DCC: variants seen among roughly 807,000 people sequenced by gnomAD.
The protein encoded by DCC is DCC netrin 1 receptor, also known as netrin receptor DCC.
DCC carries 58 observed loss-of-function variants against 172.5 expected under a neutral mutation model. The observed-to-expected ratio is 0.34, with a 90% CI of 0.27 to 0.42. DCC has a LOEUF of 0.42. DCC is among the 10% of genes least tolerant of loss of function. DCC has a pLI of 1.00. For synonymous variants in DCC, 709 were observed against 644.5 expected (o/e 1.10, Z -1.52); for missense variants, 1,740 against 1,791.0 (o/e 0.97, Z 0.51).
intron 2 of DCC, among the ~76,000 whole-genome samples, chr18:52,817,579 C>T (rs2145263332): frequency 6.6e-6 from 1 of 151,780 alleles, no homozygotes; most frequent in South Asian, 2.1e-4. Context: ...TCTTTTAAGT[C>T]AGTCTCTCTT....
chr18:53,181,595 A>G (rs2055197996), intron 9 of DCC, among the ~76,000 whole-genome samples: 2 of 152,106 alleles, frequency 1.3e-5, no homozygotes, highest in African/African-American at 4.8e-5. Flanking sequence ...ATTTTTTTGT[A>G]TCACACATAT....
At chr18:52,760,981 T>TA (rs1448049169) in intron 2 of DCC, among the ~76,000 whole-genome samples, 3 of 151,936 alleles carry the variant, frequency 2.0e-5, no homozygotes, top group Non-Finnish European at 4.4e-5. Context: ...TAACAGTCTT[T>TA]ATATTTATAA....
intron 1 of DCC, among the ~76,000 whole-genome samples, chr18:52,663,212 A>G (rs998001512): frequency 6.6e-6 from 1 of 152,220 alleles, no homozygotes; most frequent in Non-Finnish European, 1.5e-5. Flanking sequence ...TAAGTTTTCA[A>G]TAATTTTGCA....
intron 7 of DCC, among the ~76,000 whole-genome samples, chr18:53,119,217 T>C (rs1346546662): frequency 6.6e-6 from 1 of 151,846 alleles, no homozygotes; most frequent in Admixed American, 6.6e-5. Flanking sequence ...TTCGTTTCAT[T>C]GGCGTACATT....
At chr18:53,393,676 T>G (rs1029092491) in intron 17 of DCC, among the ~76,000 whole-genome samples, 1 of 152,228 alleles carries the variant, frequency 6.6e-6, no homozygotes, top group African/African-American at 2.4e-5. Flanking sequence ...TTTGCCAGAA[T>G]GTGAAATGTT....
Position 53,086,086 on chromosome 18 carries a change from TCCTCCTCCTCCTCCTCCTCCTCCTC to T in DCC, c.1261+19922_1261+19946del, listed in dbSNP as rs2042886475. Among the ~76,000 whole-genome samples the T allele has an allele frequency of 2.4e-3, 2 of 840 alleles. 1 individual carries two copies. The highest frequency in any genetic ancestry group is 0.01 in the Admixed American group (2 of 198). 0.6% of individuals were successfully genotyped at this position (840 alleles called of 152,430 possible). ...CTTCTCCCTCTCCTCCTCCTCCTCC[TCCTCCTCCTCCTCCTCCTCCTCCTC>T]CTCCTCCTCCTCCTCCTCCTCCTCC... On this transcript the variant is annotated intron_variant, in intron 7 of 28. Transcript: ENST00000442544.
intron 2 of DCC, among the ~76,000 whole-genome samples, chr18:52,900,209 T>C (rs1456840565): frequency 1.3e-5 from 2 of 152,192 alleles, no homozygotes; most frequent in East Asian, 1.9e-4. Flanking sequence ...GAGCTGCAAA[T>C]AGGGTAAAAC....
intron 2 of DCC, among the ~76,000 whole-genome samples, chr18:52,848,831 A>G (rs1237258630): frequency 3.9e-5 from 6 of 152,172 alleles, no homozygotes; most frequent in African/African-American, 1.2e-4. Context: ...CCATTTATCC[A>G]TGTATTCGTG....
intron 2 of DCC, among the ~76,000 whole-genome samples, chr18:52,818,460 C>T (rs11664482): frequency 1.3e-5 from 2 of 149,208 alleles, no homozygotes; most frequent in Non-Finnish European, 3.0e-5. Context: ...AGATGAAAAG[C>T]ATATATATCA....
At chr18:52,458,934 G>A (rs1001030348) in intron 1 of DCC, among the ~76,000 whole-genome samples, 1 of 152,142 alleles carries the variant, frequency 6.6e-6, no homozygotes, top group African/African-American at 2.4e-5. Flanking sequence ...TGTCGCTTGA[G>A]CCTGAAACAT....
intron 5 of DCC, among the ~76,000 whole-genome samples, chr18:53,004,134 CT>C (rs1457354086): frequency 6.6e-6 from 1 of 152,066 alleles, no homozygotes; most frequent in Admixed American, 6.6e-5. Flanking sequence ...TGTTTGGTTC[CT>C]TTTCAGTGCT....
Position 53,316,258 on chromosome 18 carries a change from G to A in DCC, c.2054-5789G>A, listed in dbSNP as rs1054467111. On this transcript the variant is annotated intron_variant, in intron 13 of 28. Coordinates refer to ENST00000442544, the MANE Select transcript of DCC (RefSeq NM_005215.4). Reference sequence around the variant, plus strand: ...TTCTCTAGTTTGTCAAAGATCAGATGATTGTAGATGTGTGGTGTTATTTTT... The same window carrying A: ...TTCTCTAGTTTGTCAAAGATCAGATAATTGTAGATGTGTGGTGTTATTTTT... 2.6e-5 allele frequency among the ~76,000 whole-genome samples: 4 copies of A among 152,102 alleles called. No homozygotes were observed. The East Asian group carries it at 7.7e-4, about 29-fold the overall frequency.
chr18:53,457,701 T>C (rs2045500765), intron 23 of DCC, among the ~76,000 whole-genome samples: 1 of 152,194 alleles, frequency 6.6e-6, no homozygotes, highest in African/African-American at 2.4e-5. Flanking sequence ...TAAATGGTTA[T>C]CAGTGAGTTA....
chr18:53,009,093 C>T (rs2041689791), intron 5 of DCC, among the ~76,000 whole-genome samples: 1 of 151,772 alleles, frequency 6.6e-6, no homozygotes, highest in African/African-American at 2.4e-5. Context: ...TCTCACAGTA[C>T]CACAATATCC....
At chr18:52,492,833 C>T (rs1051637360) in intron 1 of DCC, among the ~76,000 whole-genome samples, 5 of 151,970 alleles carry the variant, frequency 3.3e-5, no homozygotes, top group African/African-American at 7.3e-5. Flanking sequence ...ACATGGATTT[C>T]TGTAAAAGAA....
At chr18:52,618,616 C>T (rs1350406887) in intron 1 of DCC, among the ~76,000 whole-genome samples, 1 of 152,150 alleles carries the variant, frequency 6.6e-6, no homozygotes, top group Non-Finnish European at 1.5e-5. Context: ...CTTTGTTTTT[C>T]TCACTGTCCT....
intron 2 of DCC, among the ~76,000 whole-genome samples, chr18:52,840,888 A>T (rs2038792940): frequency 6.6e-6 from 1 of 152,198 alleles, no homozygotes; most frequent in Non-Finnish European, 1.5e-5. Context: ...TAGAACTCAT[A>T]TTCTCAGGAA....
chr18:53,519,673 CAT>C (rs2046378300), intron 27 of DCC, among the ~76,000 whole-genome samples: 1 of 151,828 alleles, frequency 6.6e-6, no homozygotes. Context: ...TTTCCTTTGA[CAT>C]ATGTTTCTGA....
chr18:53,359,065 A>G (rs2057915790), intron 15 of DCC, among the ~76,000 whole-genome samples: 1 of 152,192 alleles, frequency 6.6e-6, no homozygotes, highest in South Asian at 2.1e-4. Context: ...TGTACTGTGT[A>G]TAAGACTGCA....
Sources: allele counts gnomAD v4.1 joint callset (sites outside exome capture counted in the v4.1 genomes callset), GRCh38; gene constraint gnomAD v4.1.1; transcripts MANE v1.5; gene names NCBI Gene and HGNC (gene_info 2026-07-23, HGNC 2026-07-21).